Variants in TMEM132B observed in about 807,000 individuals in gnomAD.
TMEM132B encodes the protein transmembrane protein 132B.
TMEM132B carries 18 observed loss-of-function variants against 90.8 expected under a neutral mutation model. The ratio of observed to expected loss-of-function variants is 0.20; its 90% CI spans 0.14 to 0.29. The LOEUF (loss-of-function observed/expected upper bound fraction) is 0.29. Among genes scored for constraint, TMEM132B ranks in the 10% least tolerant of loss-of-function variants. TMEM132B has a pLI of 1.00. For missense variants in TMEM132B, 1,096 were observed against 1,326.8 expected (o/e 0.83, Z 2.70); for synonymous variants, 504 against 523.3 (o/e 0.96, Z 0.50).
intron 1 of TMEM132B, among the ~76,000 whole-genome samples, chr12:125,324,259 C>G (rs937293727): frequency 6.6e-6 from 1 of 152,148 alleles, no homozygotes; most frequent in African/African-American, 2.4e-5. Flanking sequence ...AATTGCTAAT[C>G]ACTTCTCCAA....
chr12:125,258,561 C>T (rs1874490898), intron 1 of TMEM132B, among the ~76,000 whole-genome samples: 1 of 152,164 alleles, frequency 6.6e-6, no homozygotes, highest in African/African-American at 2.4e-5. Flanking sequence ...AGGCAAGCTG[C>T]ATGGCCTTTG....
chr12:125,505,178 A>AAAAAAC (rs1882808942), intron 3 of TMEM132B, among the ~76,000 whole-genome samples: 1 of 141,214 alleles, frequency 7.1e-6, no homozygotes, highest in Non-Finnish European at 1.5e-5. Context: ...AAAAAAAAAA[A>AAAAAAC]AAAAAAAAAA....
At chr12:125,461,188 T>C (rs1289319388) in intron 3 of TMEM132B, among the ~76,000 whole-genome samples, 2 of 152,218 alleles carry the variant, frequency 1.3e-5, no homozygotes, top group African/African-American at 4.8e-5. Context: ...ATGGACCTTC[T>C]TTAGGCGGGG....
At chr12:125,211,891 G>T (rs561286282) in intron 1 of TMEM132B, among the ~76,000 whole-genome samples, 10 of 152,316 alleles carry the variant, frequency 6.6e-5, no homozygotes, top group African/African-American at 2.4e-4. Flanking sequence ...GTCTCAGGGC[G>T]TGTAAACACC....
At chr12:125,650,363 G>T (rs1886874591) in intron 6 of TMEM132B, among the ~76,000 whole-genome samples, 2 of 152,136 alleles carry the variant, frequency 1.3e-5, no homozygotes, top group Non-Finnish European at 2.9e-5. Context: ...CATATCTTAG[G>T]TTCCTCCATC....
chr12:125,389,451 C>A (rs181034290), intron 2 of TMEM132B, among the ~76,000 whole-genome samples: 1 of 151,604 alleles, frequency 6.6e-6, no homozygotes, highest in Non-Finnish European at 1.5e-5. Flanking sequence ...GATATCTCTT[C>A]CTGCTCTCTA....
intron 4 of TMEM132B, among the ~76,000 whole-genome samples, chr12:125,520,700 A>T (rs1395237529): frequency 1.3e-5 from 2 of 152,022 alleles, no homozygotes; most frequent in African/African-American, 4.8e-5. Context: ...TCTTCTTCCT[A>T]GACATTATCA....
chr12:125,223,514 A>G (rs1313992536), intron 1 of TMEM132B, among the ~76,000 whole-genome samples: 1 of 152,250 alleles, frequency 6.6e-6, no homozygotes, highest in Non-Finnish European at 1.5e-5. Context: ...AAATACACAC[A>G]ACATAAAATC....
Position 125,529,990 on chromosome 12 carries a change from C to T in TMEM132B, c.1293+10365C>T, listed in dbSNP as rs550640574. On this transcript the variant is annotated intron_variant, in intron 4 of 8. Coordinates refer to ENST00000682704, the MANE Select transcript of TMEM132B (RefSeq NM_001366854.1). Reference sequence around the variant, plus strand: ...GCTGCAGTGAGCTGTGATTGTGCCACCACACTCCAGCCTGGGCCGCAGAGC... The same window carrying T: ...GCTGCAGTGAGCTGTGATTGTGCCATCACACTCCAGCCTGGGCCGCAGAGC... Among the ~76,000 whole-genome samples the T allele has an allele frequency of 5.3e-5, 8 of 152,284 alleles. No individual in the cohort carries two copies. The East Asian group carries it at 1.5e-3, about 29-fold the overall frequency.
At chr12:125,241,960 C>T (rs558986699) in intron 1 of TMEM132B, among the ~76,000 whole-genome samples, 1 of 152,276 alleles carries the variant, frequency 6.6e-6, no homozygotes, top group African/African-American at 2.4e-5. Flanking sequence ...ATGGCAAGTC[C>T]ACTCAGTTCT....
intron 1 of TMEM132B, among the ~76,000 whole-genome samples, chr12:125,278,303 G>T (rs1245789141): frequency 1.3e-5 from 2 of 152,122 alleles, no homozygotes; most frequent in Non-Finnish European, 2.9e-5. Flanking sequence ...GTACTTTCTA[G>T]CCCTTTACAG....
intron 1 of TMEM132B, among the ~76,000 whole-genome samples, chr12:125,192,126 G>A (rs1170103685): frequency 6.6e-6 from 1 of 152,210 alleles, no homozygotes; most frequent in Non-Finnish European, 1.5e-5. Flanking sequence ...CACACTGTGT[G>A]TTCTTAGCCC....
chr12:125,432,756 C>T (rs1880579908), intron 3 of TMEM132B, among the ~76,000 whole-genome samples: 1 of 152,020 alleles, frequency 6.6e-6, no homozygotes, highest in Non-Finnish European at 1.5e-5. Flanking sequence ...ACTGGCTCAT[C>T]CGTCCCTTTG....
chr12:125,610,653 GTA>G (rs1566088773), intron 5 of TMEM132B, among the ~76,000 whole-genome samples: 2 of 151,742 alleles, frequency 1.3e-5, no homozygotes, highest in African/African-American at 4.8e-5. Context: ...ATGTGTGTGT[GTA>G]TATATGTTTT....
At chr12:125,546,481 T>C (rs1221158183) in intron 4 of TMEM132B, among the ~76,000 whole-genome samples, 1 of 152,202 alleles carries the variant, frequency 6.6e-6, no homozygotes, top group Non-Finnish European at 1.5e-5. Flanking sequence ...CACGACCGGC[T>C]GCAAGTATTG....
chr12:125,484,920 T>C lies in TMEM132B; in HGVS notation c.1107-34519T>C, dbSNP rs533406240. The stretch of plus-strand genomic sequence containing the variant: ...GCACCCTATTTAGACCTATTTTTTT[T>C]CCACCTTTTCTCTTAAACTGGTAGG... On this transcript the variant is annotated intron_variant, in intron 3 of 8. Transcript: ENST00000682704. Among the ~76,000 whole-genome samples, 10 of 152,262 alleles carry C rather than the reference T, an allele frequency of 6.6e-5. No homozygotes were observed. In the South Asian group the frequency reaches 1.2e-3, roughly 19 times the overall value.
intron 5 of TMEM132B, among the ~76,000 whole-genome samples, chr12:125,607,422 G>A (rs976733194): frequency 1.3e-5 from 2 of 152,164 alleles, no homozygotes; most frequent in African/African-American, 4.8e-5. Context: ...TCTGAACCTA[G>A]ACTGATCAAT....
intron 1 of TMEM132B, among the ~76,000 whole-genome samples, chr12:125,274,858 G>T (rs1393687462): frequency 1.3e-5 from 2 of 152,138 alleles, no homozygotes; most frequent in Non-Finnish European, 2.9e-5. Flanking sequence ...AAGAGGTCAA[G>T]GTTGCAGTGA....
intron 1 of TMEM132B, among the ~76,000 whole-genome samples, chr12:125,307,838 A>AATAC (rs1326710405): frequency 1.5e-4 from 4 of 26,598 alleles, no homozygotes; most frequent in Admixed American, 4.0e-4. Context: ...ATATACTTAT[A>AATAC]TTAATATATA....
Sources: gnomAD v4.1 joint callset for allele counts (sites outside exome capture counted in the v4.1 genomes callset) on GRCh38, gnomAD v4.1.1 for gene constraint, MANE v1.5 for transcripts, NCBI Gene and HGNC (gene_info 2026-07-23, HGNC 2026-07-21) for gene names.